The following PRIM2 variants were observed in gnomAD, a reference collection of about 807,000 sequenced individuals.
PRIM2 encodes DNA primase large subunit.
Under a neutral mutation model 67.3 loss-of-function variants are expected in PRIM2, and 39 were observed. That is an observed-to-expected ratio of 0.58 (90% CI 0.45 to 0.76). The LOEUF (loss-of-function observed/expected upper bound fraction) is 0.76. Ranked by LOEUF, PRIM2 falls within the 30% of genes least tolerant of loss-of-function variation. The pLI, the probability that PRIM2 is intolerant of heterozygous loss-of-function variation, is 0.00. For synonymous variants in PRIM2, 143 were observed against 198.7 expected, an observed-to-expected ratio of 0.72 and a Z score of 2.36; for missense variants, 398 against 598.7, an observed-to-expected ratio of 0.66 and a Z score of 3.50.
At chr6:57,256,741 CACAT>C in the PRIM2 span, among the ~76,000 whole-genome samples, 310 of 110,164 alleles carry the variant, frequency 2.8e-3, no homozygotes, top group African/African-American at 0.015. Flanking sequence ...CACACACACA[CACAT>C]ACACTCTTAC....
At chr6:57,615,602 T>C (rs1402541677) in intron 12 of PRIM2, among the ~76,000 whole-genome samples, 1 of 152,024 alleles carries the variant, frequency 6.6e-6, no homozygotes, top group South Asian at 2.1e-4. Flanking sequence ...CCTATTTTAA[T>C]AGAAAAATTG....
At chr6:57,392,947 G>T (rs915468417) in intron 7 of PRIM2, among the ~76,000 whole-genome samples, 4 of 149,172 alleles carry the variant, frequency 2.7e-5, no homozygotes, top group South Asian at 2.1e-4. Flanking sequence ...TCTCATTCAG[G>T]TCACTGCAAA....
chr6:57,592,355 G>A (rs1582009114), intron 10 of PRIM2, among the ~76,000 whole-genome samples: 1 of 152,132 alleles, frequency 6.6e-6, no homozygotes, highest in Non-Finnish European at 1.5e-5. Flanking sequence ...TGATTTCTGT[G>A]CACATATACA....
At chr6:57,538,047 G>A (rs1273375102) in intron 10 of PRIM2, among the ~76,000 whole-genome samples, 2 of 148,854 alleles carry the variant, frequency 1.3e-5, no homozygotes, top group African/African-American at 2.5e-5. Flanking sequence ...GTCTTCTTCT[G>A]TTGCCCAGGC....
the PRIM2 span, among the ~76,000 whole-genome samples, chr6:57,252,914 T>A: frequency 5.3e-5 from 8 of 152,218 alleles, no homozygotes; most frequent in African/African-American, 1.9e-4. Context: ...AGAAAGCAGA[T>A]CTGTTTATGG....
chr6:57,259,803 C>T, the PRIM2 span, among the ~76,000 whole-genome samples: 3 of 152,318 alleles, frequency 2.0e-5, no homozygotes, highest in Admixed American at 6.5e-5. Flanking sequence ...CCCCATCCCA[C>T]TGCCCACCAG....
At chr6:57,259,855 C>A in the PRIM2 span, among the ~76,000 whole-genome samples, 1 of 152,198 alleles carries the variant, frequency 6.6e-6, no homozygotes, top group Admixed American at 6.5e-5. Flanking sequence ...CCCAAGGGTG[C>A]CCCTATGGTC....
chr6:57,226,955 C>T, the PRIM2 span, among the ~76,000 whole-genome samples: 2 of 152,268 alleles, frequency 1.3e-5, no homozygotes, highest in African/African-American at 4.8e-5. Flanking sequence ...TCTGTTCATT[C>T]TAAATTCCTT....
chr6:57,272,549 C>G, the PRIM2 span, among the ~76,000 whole-genome samples: 2 of 152,176 alleles, frequency 1.3e-5, no homozygotes, highest in Non-Finnish European at 2.9e-5. Context: ...TTCCTGAATA[C>G]AGCACACTGA....
intron 8 of PRIM2, among the ~76,000 whole-genome samples, chr6:57,515,168 A>G (rs1774456533): frequency 6.6e-6 from 1 of 152,014 alleles, no homozygotes; most frequent in African/African-American, 2.4e-5. Context: ...GATTTTCATG[A>G]CTCCAATTTT....
At chr6:57,518,436 A>AT (rs1349625960) in intron 8 of PRIM2, among the ~76,000 whole-genome samples, 8 of 152,074 alleles carry the variant, frequency 5.3e-5, no homozygotes, top group African/African-American at 1.9e-4. Context: ...CTTGTTCAAT[A>AT]TTTTTTTGCC....
At chr6:57,310,764 T>A (rs1232570367), upstream of PRIM2, among the ~76,000 whole-genome samples, 1 of 137,172 alleles carries the variant, frequency 7.3e-6, no homozygotes, top group Admixed American at 7.5e-5. Context: ...GCAGAGGCGC[T>A]CCCCACCTCC....
In PRIM2 at chr6:57,402,774, C is replaced by A. The variant is rs534172989; in HGVS notation, c.693+20606C>A. ...GTGGTTTCTAAACTTTTGATTGTGT[C>A]CCCTCAGTTAAAATATTACCCCTGC... On this transcript the variant is annotated intron_variant, in intron 7 of 13. Coordinates refer to ENST00000615550, the MANE Select transcript of PRIM2 (RefSeq NM_000947.5). Among the ~76,000 whole-genome samples the A allele has an allele frequency of 2.6e-4, 40 of 152,280 alleles. 1 individual carries two copies. Among genetic ancestry groups the A allele is most frequent in the African/African-American group, 9.6e-4 (40 of 41,570 alleles).
chr6:57,352,071 T>C (rs1243435688), intron 5 of PRIM2, among the ~76,000 whole-genome samples: 1 of 152,220 alleles, frequency 6.6e-6, no homozygotes, highest in Non-Finnish European at 1.5e-5. Context: ...GCTATCTTAT[T>C]GTTTATTGAA....
chr6:57,600,426 A>G (rs1486448099), intron 10 of PRIM2, among the ~76,000 whole-genome samples: 1 of 151,782 alleles, frequency 6.6e-6, no homozygotes, highest in East Asian at 1.9e-4. Context: ...TGGCACAATC[A>G]TGGCTCACTG....
In PRIM2 at chr6:57,495,910, AT is replaced by A. The variant is rs1323935228; in HGVS notation, c.694-11467del. On this transcript the variant is annotated intron_variant, in intron 7 of 13. Coordinates refer to ENST00000615550, the MANE Select transcript of PRIM2 (RefSeq NM_000947.5). ...AGGCACGTGCCACCACACTCAGCTG[AT>A]TTTTTTTTTATTTTTAGTGGAGATG... Among the ~76,000 whole-genome samples, 582 of 149,828 alleles carry A rather than the reference AT, an allele frequency of 3.9e-3. 3 individuals carry two copies. Among genetic ancestry groups the A allele is most frequent in the African/African-American group, 0.013 (546 of 40,826 alleles).
chr6:57,476,779 C>T (rs1773487470), intron 7 of PRIM2, among the ~76,000 whole-genome samples: 1 of 152,122 alleles, frequency 6.6e-6, no homozygotes, highest in Non-Finnish European at 1.5e-5. Context: ...ATGGGGTTCA[C>T]TCTTGTTGCC....
intron 11 of PRIM2, among the ~76,000 whole-genome samples, chr6:57,603,138 A>G (rs1332162028): frequency 6.6e-6 from 1 of 150,776 alleles, no homozygotes; most frequent in Non-Finnish European, 1.5e-5. Flanking sequence ...CTCTTTTTTC[A>G]CCTTTTGGGA....
At chr6:57,268,600 G>A in the PRIM2 span, among the ~76,000 whole-genome samples, 1 of 151,676 alleles carries the variant, frequency 6.6e-6, no homozygotes, top group East Asian at 1.9e-4. Flanking sequence ...ATATATATAT[G>A]GCAATTTCCC....
Sources: gnomAD v4.1 joint callset for allele counts (sites outside exome capture counted in the v4.1 genomes callset) on GRCh38, gnomAD v4.1.1 for gene constraint, MANE v1.5 for transcripts, NCBI Gene and HGNC (gene_info 2026-07-23, HGNC 2026-07-21) for gene names.